CAPN14: variants seen among roughly 807,000 people sequenced by gnomAD.
CAPN14 encodes the protein calpain-14.
Under a neutral mutation model 101.3 loss-of-function variants are expected in CAPN14, and 94 were observed. That is an observed-to-expected ratio of 0.93 (90% CI 0.79 to 1.10). The LOEUF (loss-of-function observed/expected upper bound fraction) is 1.10. Among genes scored for constraint, CAPN14 ranks in the 50% least tolerant of loss-of-function variants. The probability of loss-of-function intolerance (pLI) is 0.00; values close to 1 mark genes in which losing one functional copy is unlikely to be tolerated. For missense variants in CAPN14, 837 were observed against 828.4 expected (o/e 1.01, Z -0.13); for synonymous variants, 338 against 317.9 (o/e 1.06, Z -0.67).
intron 14 of CAPN14, 119 bp downstream of exon 14, chr2:31,188,199 A>T (rs1164346346): frequency 1.1e-5 from 10 of 880,054 alleles, no homozygotes; most frequent in Non-Finnish European, 1.7e-5. Context: ...TTTGCCATAG[A>T]ACAGGGTCTG....
chr2:31,191,479 G>A, intron 11 of CAPN14, 72 bp from the exon 12 acceptor site: 1 of 1,463,010 alleles, frequency 6.8e-7, no homozygotes, highest in Admixed American at 2.2e-5. Flanking sequence ...CAGGGAATCT[G>A]GCTCTTTCAT....
At chr2:31,178,893 C>A (rs1680446615) in intron 17 of CAPN14, among the ~76,000 whole-genome samples, 1 of 151,868 alleles carries the variant, frequency 6.6e-6, no homozygotes, top group Non-Finnish European at 1.5e-5. Flanking sequence ...GAAATGTTAT[C>A]TTTGATTATT....
In CAPN14 at chr2:31,191,456, A is replaced by G. The variant is rs547060503; in HGVS notation, c.1279-49T>C. The G allele has an allele frequency of 1.8e-5, 27 of 1,504,156 alleles. No homozygotes were observed. The East Asian group carries it at 6.4e-4, about 36-fold the overall frequency. The allele number at this position is 1,504,156 out of a possible 1,614,324, so 93.2% of individuals were successfully genotyped here. On this transcript the variant is annotated intron_variant, in intron 11 of 21. Transcript: ENST00000403897. ...AAAAAAAAAAAAAAAGAGGAGAGAG[A>G]GATCTCATTAAGCAGGGAATCTGGC...
chr2:31,189,332 C>T lies in CAPN14; in HGVS notation c.1434G>A (p.Leu478=), dbSNP rs775493753. 130 of 1,551,626 alleles carry T rather than the reference C, an allele frequency of 8.4e-5. 1 individual carries two copies. The highest frequency in any genetic ancestry group is 1.1e-4 in the Non-Finnish European group (129 of 1,147,018). The change falls in exon 13 of 22, where the codon TTG becomes TTA. Residue 478 remains leucine (L), a synonymous_variant. Transcript: ENST00000403897. Reference sequence around the variant, plus strand: ...CGAACTCTGACTTCTGGTGGGCCTCCAATATGCAGGGCACGATGAGGTACG... The same window carrying T: ...CGAACTCTGACTTCTGGTGGGCCTCTAATATGCAGGGCACGATGAGGTACG... ...PGTYLIVPCI[L]EAHQKSEFVL...
chr2:31,188,346 CCAATTTCACTGAGAACAAA>C lies in CAPN14; in HGVS notation c.1494-11_1501del. On this transcript the variant is annotated splice_acceptor_variant and splice_polypyrimidine_tract_variant and coding_sequence_variant and intron_variant, in exon 14 of 22. Coordinates refer to ENST00000403897, the MANE Select transcript of CAPN14 (RefSeq NM_001145122.2). LOFTEE classifies it high-confidence loss of function. ...TGAGAAGACGACACCAGAATTGCTG[CCAATTTCACTGAGAACAAA>C]CAAACAAGAACAAACTCAGAGTTTC... is the stretch of plus-strand genomic sequence containing the variant. 6.4e-7 allele frequency: 1 copy of C among 1,551,604 alleles called. No homozygotes were observed. Among genetic ancestry groups the C allele is most frequent in the Non-Finnish European group, 8.7e-7 (1 of 1,146,958 alleles).
At chr2:31,224,934 C>A (rs1558640635) in intron 2 of CAPN14, among the ~76,000 whole-genome samples, 1 of 151,962 alleles carries the variant, frequency 6.6e-6, no homozygotes, top group Non-Finnish European at 1.5e-5. Context: ...AAAAATATGT[C>A]ATTCCTAAAA....
At chr2:31,200,420 G>C in intron 6 of CAPN14, 31 bp downstream of exon 6, 1 of 1,534,718 alleles carries the variant, frequency 6.5e-7, no homozygotes, top group Non-Finnish European at 8.8e-7. Flanking sequence ...CAGGAGAAGA[G>C]GACATTCTGC....
At chr2:31,204,500 C>T (rs1387771118) in intron 2 of CAPN14, among the ~76,000 whole-genome samples, 2 of 152,074 alleles carry the variant, frequency 1.3e-5, no homozygotes, top group Non-Finnish European at 2.9e-5. Context: ...GAGTTTCAGC[C>T]CCACCCCCTG....
At position 31,187,754 on chromosome 2, in the gene CAPN14, TA is replaced by T; in HGVS notation, c.1587+3del. On this transcript the variant is annotated splice_donor_region_variant and intron_variant, in intron 15 of 21. Coordinates refer to ENST00000403897, the MANE Select transcript of CAPN14 (RefSeq NM_001145122.2). ...TCACCCCCCACCACACCTGTTCAAC[TA>T]ACCTTTTCAAAGAATTTGGTGAAGA... 1 of 1,551,184 alleles carries T rather than the reference TA, an allele frequency of 6.4e-7. No individual in the cohort carries two copies. The highest frequency in any genetic ancestry group is 8.7e-7 in the Non-Finnish European group (1 of 1,146,244).
intron 21 of CAPN14, among the ~76,000 whole-genome samples, chr2:31,174,910 G>GAA (rs1680219135): frequency 6.6e-6 from 1 of 152,202 alleles, no homozygotes; most frequent in Non-Finnish European, 1.5e-5. Context: ...AATGATGACA[G>GAA]TCAAATACAG....
chr2:31,182,171 G>A (rs1011402745), intron 16 of CAPN14, among the ~76,000 whole-genome samples: 16 of 151,948 alleles, frequency 1.1e-4, no homozygotes, highest in Non-Finnish European at 1.9e-4. Context: ...ATTAGGTATT[G>A]ATGGGACGTA....
chr2:31,173,716 G>A lies in CAPN14; in HGVS notation c.*965C>T, dbSNP rs1303617876. On this transcript the variant is annotated 3_prime_UTR_variant, in exon 22 of 22. Transcript: ENST00000403897. The stretch of plus-strand genomic sequence containing the variant: ...GGATGCTCAACCTGTAGTAATAAAT[G>A]GCTCTGAGGTGCTAACTTATGAATA... 1 of 152,092 alleles carries A rather than the reference G, an allele frequency of 6.6e-6. No individual in the cohort carries two copies. Among genetic ancestry groups the A allele is most frequent in the Admixed American group, 6.5e-5 (1 of 15,272 alleles). The allele number at this position is 152,092 out of a possible 1,614,324, so 9.4% of individuals were successfully genotyped here.
In CAPN14 at chr2:31,189,648, T is replaced by C. The variant is rs1438062396; in HGVS notation, c.1288-170A>G. 5 of 699,220 alleles carry C rather than the reference T, an allele frequency of 7.2e-6. No homozygotes were observed. In the East Asian group the frequency reaches 8.1e-5, roughly 11 times the overall value. 43.3% of individuals were successfully genotyped at this position (699,220 alleles called of 1,614,324 possible). On this transcript the variant is annotated intron_variant, in intron 12 of 21. Transcript: ENST00000403897. ...GGGGAGGAAAGGAAAAACCAGAATA[T>C]GTGTGTGGAGGGCTGCACCTTTGCT...
At chr2:31,197,105 G>T in intron 8 of CAPN14, 144 bp downstream of exon 8, 1 of 585,208 alleles carries the variant, frequency 1.7e-6, no homozygotes. Context: ...TCTTCTAAAT[G>T]TGAGGGATTG....
At chr2:31,206,116 C>T (rs926721732) in intron 1 of CAPN14, among the ~76,000 whole-genome samples, 2 of 151,118 alleles carry the variant, frequency 1.3e-5, no homozygotes, top group Admixed American at 1.3e-4. Flanking sequence ...CAATGCAACC[C>T]CTGGCTTCCA....
At chr2:31,197,827 C>T (rs1367363905) in intron 7 of CAPN14, among the ~76,000 whole-genome samples, 2 of 152,152 alleles carry the variant, frequency 1.3e-5, no homozygotes, top group Non-Finnish European at 2.9e-5. Context: ...AGCCAAGGAA[C>T]ACCTGGAGCC....
chr2:31,174,902 TGATG>T (rs1273570235), intron 21 of CAPN14, among the ~76,000 whole-genome samples, 195 bp from the exon 22 acceptor site: 1 of 152,202 alleles, frequency 6.6e-6, no homozygotes, highest in Non-Finnish European at 1.5e-5. Flanking sequence ...TGCCTATGAA[TGATG>T]ACAGTCAAAT....
upstream of CAPN14, among the ~76,000 whole-genome samples, chr2:31,220,134 T>C (rs954835179): frequency 1.6e-4 from 25 of 152,306 alleles, no homozygotes; most frequent in African/African-American, 4.8e-4. Context: ...TTTTTTAAAA[T>C]AGAGAACTCC....
chr2:31,200,574 A>T lies in CAPN14; in HGVS notation c.603T>A (p.Leu201=), dbSNP rs2148689168. The stretch of plus-strand genomic sequence containing the variant: ...TTGTCACCCCTCCAGTGAAGTCTAC[A>T]AGGGCTTCAGACACCTGTCCTGACT... ...DLQSGQVSEA[L]VDFTGGVTMT... The change falls in exon 6 of 22, where the codon CTT becomes CTA. Residue 201 remains leucine (L), a synonymous_variant. Transcript: ENST00000403897. 1 of 1,551,660 alleles carries T rather than the reference A, an allele frequency of 6.4e-7. No individual in the cohort carries two copies. The highest frequency in any genetic ancestry group is 2.0e-5 in the Admixed American group (1 of 51,000).
Sources: allele counts gnomAD v4.1 joint callset (sites outside exome capture counted in the v4.1 genomes callset), GRCh38; gene constraint gnomAD v4.1.1; transcripts MANE v1.5; gene names NCBI Gene and HGNC (gene_info 2026-07-23, HGNC 2026-07-21).